IQSEC3: variants seen among roughly 807,000 people sequenced by gnomAD.
IQSEC3 encodes IQ motif and SEC7 domain-containing protein 3.
IQSEC3 carries 50 observed loss-of-function variants against 105.4 expected under a neutral mutation model. That is an observed-to-expected ratio of 0.47 (90% CI 0.38 to 0.60). IQSEC3 has a LOEUF of 0.60. IQSEC3 is among the 20% of genes least tolerant of loss of function. IQSEC3 has a pLI of 0.00. For missense variants in IQSEC3, 1,415 were observed against 1,630.0 expected, an observed-to-expected ratio of 0.87 and a Z score of 2.27; for synonymous variants, 708 against 746.0, an observed-to-expected ratio of 0.95 and a Z score of 0.83.
At position 138,618 on chromosome 12, in the gene IQSEC3, A is replaced by G; in HGVS notation, c.1255A>G (p.Thr419Ala). The change falls in exon 4 of 14, where the codon ACG becomes GCG. Residue 419 changes from threonine (T) to alanine (A), a missense_variant. This residue lies in a region of IQSEC3 where 720 missense variants were observed against 633.0 expected (regional missense o/e 1.14). Transcript: ENST00000538872. The surrounding 1 kb of genome is among the most constrained non-coding windows in gnomAD (Gnocchi z 7.1). ...LAKSIDDALSTWSLKTMCSLR... is the reference protein window; with the variant it reads ...LAKSIDDALSAWSLKTMCSLR... ...CAAGTCCATCGACGACGCGCTCAGCACGTGGAGCCTCAAGACCATGTGCTC... is the reference window on the plus strand; with the variant it reads ...CAAGTCCATCGACGACGCGCTCAGCGCGTGGAGCCTCAAGACCATGTGCTC... 1 of 1,588,264 alleles carries G rather than the reference A, an allele frequency of 6.3e-7. No homozygotes were observed. The highest frequency in any genetic ancestry group is 1.1e-5 in the South Asian group (1 of 89,076).
At chr12:102,036 G>C (rs1176482456) in intron 2 of IQSEC3, among the ~76,000 whole-genome samples, 1 of 152,192 alleles carries the variant, frequency 6.6e-6, no homozygotes, top group East Asian at 1.9e-4. Context: ...ACAGCCCTCT[G>C]AGGAGATCTG....
chr12:79,083 C>T (rs1221750283), intron 1 of IQSEC3, among the ~76,000 whole-genome samples: 3 of 152,202 alleles, frequency 2.0e-5, no homozygotes, highest in Non-Finnish European at 2.9e-5. Context: ...ATACCTGATC[C>T]TGGCACTTCC....
At chr12:90,560 C>T (rs1157005355) in intron 1 of IQSEC3, among the ~76,000 whole-genome samples, 2 of 151,702 alleles carry the variant, frequency 1.3e-5, no homozygotes, top group South Asian at 2.1e-4. Flanking sequence ...CCAGTTGTTT[C>T]AGCACTATCT....
chr12:138,803 C>G lies in IQSEC3; in HGVS notation c.1440C>G (p.Thr480=), dbSNP rs1233630678. 6 of 1,607,954 alleles carry G rather than the reference C, an allele frequency of 3.7e-6. No individual in the cohort carries two copies. In the African/African-American group the frequency reaches 8.0e-5, roughly 22 times the overall value. ...TPGLPPAHSG[T]LMMAFRDVTV... ...GCCTGCCCCCGGCCCACAGCGGGAC[C>G]CTCATGATGGCTTTCCGGGACGTCA... Residue 480 remains threonine, a synonymous_variant, in exon 4 of 14, where the codon ACC becomes ACG. Coordinates refer to ENST00000538872, the MANE Select transcript of IQSEC3 (RefSeq NM_001170738.2). This position sits in a 1 kb window ranked among gnomAD's most constrained non-coding sequence, Gnocchi z 7.1.
chr12:150,605 A>C (rs1555092379), intron 5 of IQSEC3, among the ~76,000 whole-genome samples: 1 of 152,182 alleles, frequency 6.6e-6, no homozygotes, highest in East Asian at 1.9e-4. Flanking sequence ...GCAATTAACC[A>C]TGTCGATGCT....
intron 2 of IQSEC3, among the ~76,000 whole-genome samples, chr12:100,972 C>T (rs1319984345): frequency 6.6e-6 from 1 of 152,214 alleles, no homozygotes; most frequent in Non-Finnish European, 1.5e-5. Flanking sequence ...AAACTGCCTT[C>T]CTTGGTAGAA....
At chr12:74,853 T>C (rs1863457580) in intron 1 of IQSEC3, among the ~76,000 whole-genome samples, 1 of 152,272 alleles carries the variant, frequency 6.6e-6, no homozygotes, top group South Asian at 2.1e-4. Context: ...GACTGTTGCT[T>C]CCAAACTAGC....
Position 138,451 on chromosome 12 carries a change from G to C in IQSEC3, c.1088G>C (p.Ser363Thr), listed in dbSNP as rs1555087186. The C allele has an allele frequency of 6.2e-7, 1 of 1,603,628 alleles. No individual in the cohort carries two copies. The highest frequency in any genetic ancestry group is 1.7e-5 in the Admixed American group (1 of 59,806). Residue 363 changes from serine (S) to threonine (T), a missense_variant, in exon 4 of 14, where the codon AGC becomes ACC. Transcript: ENST00000538872. The surrounding 1 kb of genome is among the most constrained non-coding windows in gnomAD (Gnocchi z 7.1). Reference sequence around the variant, plus strand: ...AAGGTGCGGTCACCCACGGCCGAGAGCCTGGCGGCCGAGAAAGCGCTCATG... The same window carrying C: ...AAGGTGCGGTCACCCACGGCCGAGACCCTGGCGGCCGAGAAAGCGCTCATG... ...LRKVRSPTAE[S>T]LAAEKALMEG...
chr12:157,425 C>T (rs2137040219), intron 6 of IQSEC3, 103 bp from the exon 7 acceptor site: 1 of 1,322,624 alleles, frequency 7.6e-7, no homozygotes, highest in Non-Finnish European at 1.0e-6. Flanking sequence ...GACCTAAAGC[C>T]TTCGGAGAGC....
intron 1 of IQSEC3, among the ~76,000 whole-genome samples, chr12:82,184 T>G (rs1305042072): frequency 3.9e-5 from 6 of 152,156 alleles, no homozygotes; most frequent in Non-Finnish European, 7.3e-5. Context: ...GTTAGAAAAT[T>G]GTTAATTTAG....
In IQSEC3 at chr12:177,288, C is replaced by T. The variant is rs1465665377; in HGVS notation, c.*2255C>T. ...AAGCTTACCAAGGACAGGCAGGACC[C>T]CGTCCCCTGCTCACACAGCTCTTCA... On this transcript the variant is annotated 3_prime_UTR_variant, in exon 14 of 14. Coordinates refer to ENST00000538872, the MANE Select transcript of IQSEC3 (RefSeq NM_001170738.2). The surrounding 1 kb of genome is among the most constrained non-coding windows in gnomAD (Gnocchi z 5.3). The T allele has an allele frequency of 9.3e-6, 1 of 107,202 alleles. No individual in the cohort carries two copies. The highest frequency in any genetic ancestry group is 3.4e-4 in the East Asian group (1 of 2,978). 6.6% of individuals were successfully genotyped at this position (107,202 alleles called of 1,614,324 possible).
intron 1 of IQSEC3, among the ~76,000 whole-genome samples, chr12:92,918 C>T (rs1452180549): frequency 6.6e-6 from 1 of 152,206 alleles, no homozygotes; most frequent in African/African-American, 2.4e-5. Context: ...TTCAAGAATG[C>T]AAGAAGCATT....
At position 124,080 on chromosome 12, in the gene IQSEC3, T is replaced by C. The variant is rs1202965250; in HGVS notation, c.624-1553T>C. Among the ~76,000 whole-genome samples the C allele has an allele frequency of 3.9e-5, 6 of 152,052 alleles. No homozygotes were observed. The East Asian group carries it at 1.2e-3, about 29-fold the overall frequency. On this transcript the variant is annotated intron_variant, in intron 2 of 13. Transcript: ENST00000538872. ...GCCCTGGCTTCTAGGAAGGGATAGC[T>C]GGGGAAATAAGAGTTTATTTACTGG...
chr12:128,313 C>T (rs1555084072), intron 3 of IQSEC3, among the ~76,000 whole-genome samples: 1 of 152,140 alleles, frequency 6.6e-6, no homozygotes, highest in Non-Finnish European at 1.5e-5. Flanking sequence ...ATTCTCAGTG[C>T]TTAATGCAGT....
chr12:158,675 C>G (rs1437448574), intron 7 of IQSEC3, among the ~76,000 whole-genome samples: 5 of 152,184 alleles, frequency 3.3e-5, no homozygotes, highest in Non-Finnish European at 7.3e-5. Flanking sequence ...ATACACTGCT[C>G]CTTGTTAATT....
In IQSEC3 at chr12:174,638, T is replaced by G. The variant is rs1939172337; in HGVS notation, c.3154T>G (p.Ser1052Ala). Residue 1052 changes from serine (S) to alanine (A), a missense_variant, in exon 14 of 14, where the codon TCC becomes GCC. This residue lies in a region of IQSEC3 where 419 missense variants were observed against 436.2 expected (regional missense o/e 0.96). Transcript: ENST00000538872. Reference protein sequence around the residue: ...HNRLQTSQHNSGLGAERGAPV... With the variant: ...HNRLQTSQHNAGLGAERGAPV... ...CAGGCTTCAAACGTCCCAGCACAAC[T>G]CCGGGCTGGGGGCCGAGAGGGGAGC... The G allele has an allele frequency of 3.2e-6, 5 of 1,577,062 alleles. No individual in the cohort carries two copies. Among genetic ancestry groups the G allele is most frequent in the Middle Eastern group, 3.4e-4 (2 of 5,862 alleles).
intron 2 of IQSEC3, among the ~76,000 whole-genome samples, chr12:101,400 G>A (rs566191733): frequency 6.6e-6 from 1 of 152,344 alleles, no homozygotes; most frequent in Non-Finnish European, 1.5e-5. Flanking sequence ...GGAAACCCAT[G>A]ACCTTAGTTT....
At chr12:149,252 G>C (rs4980801) in intron 5 of IQSEC3, 47,792 of 152,278 alleles carry the variant, frequency 0.31, 8,600 homozygotes, top group Admixed American at 0.42. Context: ...GGTCATGCCT[G>C]GCTGGAAGCG....
intron 1 of IQSEC3, among the ~76,000 whole-genome samples, chr12:68,433 C>T (rs1863183043): frequency 6.6e-6 from 1 of 152,274 alleles, no homozygotes; most frequent in Admixed American, 6.5e-5. Flanking sequence ...AAATGTTAAC[C>T]TCTCAGTTCC....
Sources: gnomAD v4.1 joint callset for allele counts (sites outside exome capture counted in the v4.1 genomes callset) on GRCh38, gnomAD v4.1.1 for gene constraint, gnomAD v4.1.1 regional missense constraint, Gnocchi (gnomAD v3.1) non-coding constraint, MANE v1.5 for transcripts, NCBI Gene and HGNC (gene_info 2026-07-23, HGNC 2026-07-21) for gene names.